The following LRRTM4 variants were observed in gnomAD, a reference collection of about 807,000 sequenced individuals.
LRRTM4 encodes the protein leucine-rich repeat transmembrane neuronal protein 4.
In LRRTM4, 25 loss-of-function variants were observed where a neutral mutation model predicts 47.6. The observed-to-expected ratio is 0.53, with a 90% CI of 0.38 to 0.73. The LOEUF is 0.73. Ranked by LOEUF, LRRTM4 falls within the 30% of genes least tolerant of loss-of-function variation. The pLI is 0.00. For synonymous variants in LRRTM4, 311 were observed against 269.5 expected, an observed-to-expected ratio of 1.15 and a Z score of -1.51; for missense variants, 638 against 713.4, an observed-to-expected ratio of 0.89 and a Z score of 1.20.
At chr2:76,937,289 C>A (rs1000158910) in intron 3 of LRRTM4, among the ~76,000 whole-genome samples, 6 of 152,026 alleles carry the variant, frequency 3.9e-5, no homozygotes, top group Admixed American at 1.3e-4. Context: ...TGATGCAAAC[C>A]AAAATCTCAA....
intron 3 of LRRTM4, among the ~76,000 whole-genome samples, chr2:77,343,138 C>T (rs1454731093): frequency 1.3e-5 from 2 of 151,878 alleles, no homozygotes; most frequent in Non-Finnish European, 2.9e-5. Flanking sequence ...ACATTTCAAC[C>T]TCTATTTTAC....
intron 3 of LRRTM4, among the ~76,000 whole-genome samples, chr2:76,984,768 A>T (rs1187074293): frequency 6.6e-6 from 1 of 152,078 alleles, no homozygotes; most frequent in Non-Finnish European, 1.5e-5. Flanking sequence ...ATAAACTCCT[A>T]CTTGTTTAAG....
At chr2:77,426,561 G>A (rs894447361) in intron 3 of LRRTM4, among the ~76,000 whole-genome samples, 1 of 152,148 alleles carries the variant, frequency 6.6e-6, no homozygotes, top group African/African-American at 2.4e-5. Context: ...TGCCCTGGGA[G>A]GCACCCAGTG....
intron 3 of LRRTM4, among the ~76,000 whole-genome samples, chr2:76,755,335 T>C (rs897744256): frequency 6.6e-6 from 1 of 152,174 alleles, no homozygotes; most frequent in African/African-American, 2.4e-5. Flanking sequence ...TACAACACTA[T>C]TTTGAGAAAG....
At chr2:77,401,401 T>C (rs997813683) in intron 3 of LRRTM4, among the ~76,000 whole-genome samples, 1 of 152,084 alleles carries the variant, frequency 6.6e-6, no homozygotes, top group Admixed American at 6.6e-5. Context: ...TGCATCCCTG[T>C]TTTCTTTTTT....
chr2:77,341,006 C>T (rs1671352609), intron 3 of LRRTM4, among the ~76,000 whole-genome samples: 2 of 151,954 alleles, frequency 1.3e-5, no homozygotes, highest in South Asian at 4.1e-4. Flanking sequence ...AGATGTTCTA[C>T]CAGAGAAATG....
At position 76,889,238 on chromosome 2, in the gene LRRTM4, T is replaced by G. The variant is rs148336905; in HGVS notation, c.1552-140322A>C. ...CCATTTTACTCATCTGTTTATACAC[T>G]AAGGTTTTTATTTTAGTTTTGAAAA... On this transcript the variant is annotated intron_variant, in intron 3 of 3. Coordinates refer to ENST00000409884, the MANE Select transcript of LRRTM4 (RefSeq NM_001134745.3). Among the ~76,000 whole-genome samples, 320 of 152,072 alleles carry G rather than the reference T, an allele frequency of 2.1e-3. 1 individual carries two copies. The highest frequency in any genetic ancestry group is 7.3e-3 in the African/African-American group (305 of 41,560).
chr2:77,084,365 C>T (rs1382000942), intron 3 of LRRTM4, among the ~76,000 whole-genome samples: 1 of 152,144 alleles, frequency 6.6e-6, no homozygotes, highest in East Asian at 1.9e-4. Context: ...AATCAGCCTA[C>T]GTCCTGAGGA....
intron 3 of LRRTM4, among the ~76,000 whole-genome samples, chr2:77,480,656 G>A (rs1359027593): frequency 6.6e-6 from 1 of 151,948 alleles, no homozygotes; most frequent in South Asian, 2.1e-4. Context: ...CCAGCAGCAG[G>A]GGGTAAAAAA....
At chr2:77,284,142 A>C (rs966861866) in intron 3 of LRRTM4, among the ~76,000 whole-genome samples, 1 of 152,006 alleles carries the variant, frequency 6.6e-6, no homozygotes, top group Admixed American at 6.6e-5. Flanking sequence ...AGTGAAGCTC[A>C]CTCTGATTTG....
chr2:77,106,101 A>T (rs1308811355), intron 3 of LRRTM4, among the ~76,000 whole-genome samples: 1 of 152,036 alleles, frequency 6.6e-6, no homozygotes, highest in Non-Finnish European at 1.5e-5. Flanking sequence ...CCTTCTTTTG[A>T]TGATTAATAT....
chr2:76,811,301 A>T (rs1199909086), intron 3 of LRRTM4, among the ~76,000 whole-genome samples: 2 of 152,322 alleles, frequency 1.3e-5, no homozygotes, highest in South Asian at 2.1e-4. Flanking sequence ...AGCACCCTGT[A>T]GGTCTTTTGC....
Position 76,939,471 on chromosome 2 carries a change from C to T in LRRTM4, c.1552-190555G>A, listed in dbSNP as rs558746023. Among the ~76,000 whole-genome samples, 531 of 151,938 alleles carry T rather than the reference C, an allele frequency of 3.5e-3. 2 individuals carry two copies. The highest frequency in any genetic ancestry group is 0.01 in the Middle Eastern group (3 of 294). ...GTCCACATTCCATTGGTGAAAAAAT[C>T]GTCTGGCCAGAATTAAAGGAATGCA... On this transcript the variant is annotated intron_variant, in intron 3 of 3. Transcript: ENST00000409884.
At chr2:77,157,282 G>A (rs1672585287) in intron 3 of LRRTM4, among the ~76,000 whole-genome samples, 1 of 152,074 alleles carries the variant, frequency 6.6e-6, no homozygotes, top group Non-Finnish European at 1.5e-5. Context: ...GAAGAAGGAA[G>A]GTAATTATGA....
intron 3 of LRRTM4, among the ~76,000 whole-genome samples, chr2:77,471,212 T>A (rs1467000261): frequency 3.3e-5 from 5 of 152,130 alleles, no homozygotes. Flanking sequence ...ATTCTATTCT[T>A]CTTGCTGCTC....
In LRRTM4 at chr2:76,938,706, A is replaced by C. The variant is rs569160861; in HGVS notation, c.1552-189790T>G. ...TTCTCAGGAAGAGGTCTTAGAATACACTTCTGTAATTGTTTCATCAGGCAA... is the reference window on the plus strand; with the variant it reads ...TTCTCAGGAAGAGGTCTTAGAATACCCTTCTGTAATTGTTTCATCAGGCAA... On this transcript the variant is annotated intron_variant, in intron 3 of 3. Transcript: ENST00000409884. Among the ~76,000 whole-genome samples, 145 of 152,232 alleles carry C rather than the reference A, an allele frequency of 9.5e-4. 1 individual carries two copies. The highest frequency in any genetic ancestry group is 1.7e-3 in the Non-Finnish European group (118 of 67,974).
chr2:76,951,172 G>A (rs1367005902), intron 3 of LRRTM4, among the ~76,000 whole-genome samples: 1 of 152,028 alleles, frequency 6.6e-6, no homozygotes, highest in Non-Finnish European at 1.5e-5. Flanking sequence ...AATTTTAAAA[G>A]TAAACTTATA....
At chr2:77,498,796 C>T (rs1221496546) in intron 3 of LRRTM4, among the ~76,000 whole-genome samples, 1 of 151,844 alleles carries the variant, frequency 6.6e-6, no homozygotes, top group Non-Finnish European at 1.5e-5. Context: ...GTCTGCTAAC[C>T]TGTCAGTCCT....
chr2:77,343,143 T>G (rs1671436873), intron 3 of LRRTM4, among the ~76,000 whole-genome samples: 1 of 151,938 alleles, frequency 6.6e-6, no homozygotes, highest in Non-Finnish European at 1.5e-5. Context: ...TCAACCTCTA[T>G]TTTACTTTAG....
Sources: allele counts gnomAD v4.1 joint callset (sites outside exome capture counted in the v4.1 genomes callset), GRCh38; gene constraint gnomAD v4.1.1; transcripts MANE v1.5; gene names NCBI Gene and HGNC (gene_info 2026-07-23, HGNC 2026-07-21).